SPIRE2: variants seen among roughly 807,000 people sequenced by gnomAD.
The protein encoded by SPIRE2 is protein spire homolog 2.
SPIRE2 carries 76 observed loss-of-function variants against 80.7 expected under a neutral mutation model. The ratio of observed to expected loss-of-function variants is 0.94; its 90% confidence interval spans 0.78 to 1.14. SPIRE2 has a LOEUF of 1.14. SPIRE2 is among the 50% of genes most tolerant of loss of function. The probability of loss-of-function intolerance (pLI) is 0.00; values close to 1 mark genes in which losing one functional copy is unlikely to be tolerated. For synonymous variants in SPIRE2, 535 were observed against 432.6 expected (o/e 1.24, Z -2.94); for missense variants, 1,196 against 1,015.3 (o/e 1.18, Z -2.42).
At chr16:89,836,199 G>A in intron 1 of SPIRE2, 1 of 455,868 alleles carries the variant, frequency 2.2e-6, no homozygotes, top group South Asian at 1.5e-5. Context: ...AACAAACATA[G>A]GTTATTCTCT....
At chr16:89,858,039 C>T (rs980984448) in intron 7 of SPIRE2, among the ~76,000 whole-genome samples, 3 of 152,028 alleles carry the variant, frequency 2.0e-5, no homozygotes, top group African/African-American at 7.2e-5. Flanking sequence ...CGTGCCACCA[C>T]GCCTGGCTAA....
chr16:89,858,239 G>A (rs1433051987), intron 7 of SPIRE2, 99 bp from the exon 8 acceptor site: 15 of 1,270,734 alleles, frequency 1.2e-5, no homozygotes, highest in Non-Finnish European at 1.6e-5. Context: ...CTTCTGCAAA[G>A]TCAGGGAATT....
chr16:89,855,992 C>G, intron 6 of SPIRE2, 121 bp from the exon 7 acceptor site: 1 of 1,485,462 alleles, frequency 6.7e-7, no homozygotes, highest in Non-Finnish European at 9.0e-7. Flanking sequence ...GCTCTTCCGA[C>G]TCCAGAGTGG....
chr16:89,860,839 T>A, intron 10 of SPIRE2, 44 bp downstream of exon 10: 1 of 1,254,276 alleles, frequency 8.0e-7, no homozygotes, highest in Non-Finnish European at 1.1e-6. Context: ...CCAGGGGGCG[T>A]CTTTGCACCC....
chr16:89,844,335 A>T (rs964476383), intron 1 of SPIRE2, among the ~76,000 whole-genome samples: 7 of 151,362 alleles, frequency 4.6e-5, no homozygotes, highest in African/African-American at 7.3e-5. Flanking sequence ...TGCCTGGCTC[A>T]TTTTTGTATT....
intron 3 of SPIRE2, among the ~76,000 whole-genome samples, chr16:89,852,695 G>C (rs77033309): frequency 1.4e-5 from 1 of 72,660 alleles, no homozygotes; most frequent in Non-Finnish European, 2.6e-5. Flanking sequence ...TCACCCCCCG[G>C]ATCCCATGAT....
chr16:89,831,515 A>G (rs1019167597), intron 1 of SPIRE2, among the ~76,000 whole-genome samples: 1 of 148,532 alleles, frequency 6.7e-6, no homozygotes, highest in African/African-American at 2.5e-5. Context: ...CTCCTGCCTC[A>G]GCGTCCCGAG....
intron 3 of SPIRE2, among the ~76,000 whole-genome samples, 161 bp from the exon 4 acceptor site, chr16:89,854,125 C>A (rs1467856123): frequency 6.6e-6 from 1 of 152,396 alleles, no homozygotes; most frequent in South Asian, 2.1e-4. Flanking sequence ...TCCCCAGATA[C>A]CTTTTCGAGT....
intron 3 of SPIRE2, among the ~76,000 whole-genome samples, chr16:89,851,977 C>A (rs2041632332): frequency 6.6e-6 from 1 of 151,934 alleles, no homozygotes; most frequent in African/African-American, 2.4e-5. Flanking sequence ...TGCTCGGCCT[C>A]ATCTGCAGCC....
intron 1 of SPIRE2, among the ~76,000 whole-genome samples, chr16:89,835,264 G>A (rs145481839): frequency 2.6e-5 from 4 of 152,324 alleles, no homozygotes; most frequent in Non-Finnish European, 4.4e-5. Flanking sequence ...GTGATTTTTC[G>A]CTGAGCCCTG....
chr16:89,836,461 C>T (rs945558292), intron 1 of SPIRE2: 5 of 309,018 alleles, frequency 1.6e-5, no homozygotes, highest in African/African-American at 1.1e-4. Context: ...TCTCCATCCT[C>T]CCTTCCATCT....
intron 1 of SPIRE2, among the ~76,000 whole-genome samples, chr16:89,831,424 G>A (rs2041380579): frequency 7.1e-6 from 1 of 141,242 alleles, no homozygotes; most frequent in Admixed American, 7.2e-5. Context: ...TTATGAGACA[G>A]TCTCGCTCTG....
chr16:89,841,438 CG>C (rs2041504558), intron 1 of SPIRE2, among the ~76,000 whole-genome samples: 1 of 152,008 alleles, frequency 6.6e-6, no homozygotes, highest in African/African-American at 2.4e-5. Flanking sequence ...CATGTGGCCA[CG>C]TTGGTGACGT....
chr16:89,855,240 C>A (rs190040524), intron 5 of SPIRE2, among the ~76,000 whole-genome samples: 1 of 152,166 alleles, frequency 6.6e-6, no homozygotes, highest in Non-Finnish European at 1.5e-5. Flanking sequence ...CCTGGCCTGG[C>A]TGTAGGATAT....
At chr16:89,857,370 A>T (rs1424671279) in intron 7 of SPIRE2, among the ~76,000 whole-genome samples, 1 of 151,518 alleles carries the variant, frequency 6.6e-6, no homozygotes, top group Admixed American at 6.6e-5. Flanking sequence ...TCGTGGGCTC[A>T]AGTGATCCTT....
chr16:89,868,250 A>G (rs1391976685), intron 13 of SPIRE2, 34 bp downstream of exon 13: 1 of 1,611,918 alleles, frequency 6.2e-7, no homozygotes, highest in East Asian at 2.2e-5. Flanking sequence ...GGGTCTGAGC[A>G]AGGCAGATGA....
At position 89,851,320 on chromosome 16, in the gene SPIRE2, C is replaced by G. The variant is rs552299887; in HGVS notation, c.645+660C>G. Among the ~76,000 whole-genome samples, 5 of 152,292 alleles carry G rather than the reference C, an allele frequency of 3.3e-5. No individual in the cohort carries two copies. The South Asian group carries it at 1.0e-3, about 32-fold the overall frequency. ...CCTGGTTCCTTCTGAAATATGATGCCAAAGGTGGCCCCCTCTATACGCAGG... is the reference window on the plus strand; with the variant it reads ...CCTGGTTCCTTCTGAAATATGATGCGAAAGGTGGCCCCCTCTATACGCAGG... On this transcript the variant is annotated intron_variant, in intron 3 of 14. Transcript: ENST00000378247.
intron 1 of SPIRE2, among the ~76,000 whole-genome samples, chr16:89,837,774 C>T (rs559222124): frequency 1.3e-5 from 2 of 152,248 alleles, no homozygotes; most frequent in Non-Finnish European, 2.9e-5. Context: ...ACGCCCCGTG[C>T]GGGGGGCGTG....
chr16:89,857,784 G>C (rs2041704856), intron 7 of SPIRE2, among the ~76,000 whole-genome samples: 1 of 151,512 alleles, frequency 6.6e-6, no homozygotes, highest in Non-Finnish European at 1.5e-5. Flanking sequence ...TGGTCAGGCT[G>C]GTCTCAAACT....
Sources: gnomAD v4.1 joint callset for allele counts (sites outside exome capture counted in the v4.1 genomes callset) on GRCh38, gnomAD v4.1.1 for gene constraint, MANE v1.5 for transcripts, NCBI Gene and HGNC (gene_info 2026-07-23, HGNC 2026-07-21) for gene names.